RLF: variants seen among roughly 807,000 people sequenced by gnomAD.
RLF encodes the protein RLF zinc finger, also known as zinc finger protein Rlf.
A neutral mutation model predicts 162.9 loss-of-function variants in RLF; 7 were observed. The observed-to-expected ratio is 0.04, with a 90% CI of 0.02 to 0.08. The LOEUF is 0.08. Ranked by LOEUF, RLF falls within the 10% of genes least tolerant of loss-of-function variation. RLF has a pLI of 1.00. For missense variants in RLF, 1,664 were observed against 2,244.7 expected (o/e 0.74, Z 5.23); for synonymous variants, 782 against 791.5 (o/e 0.99, Z 0.20).
chr1:40,198,297 G>A (rs1247826792), intron 4 of RLF, among the ~76,000 whole-genome samples: 2 of 117,090 alleles, frequency 1.7e-5, no homozygotes, highest in Admixed American at 9.7e-5. Context: ...ACCGCGCCCG[G>A]CCTCTTTTTT....
intron 1 of RLF, among the ~76,000 whole-genome samples, chr1:40,166,697 C>T (rs1642169904): frequency 1.3e-5 from 2 of 151,938 alleles, no homozygotes; most frequent in East Asian, 1.9e-4. Flanking sequence ...AGTTCATGTC[C>T]TTTGTAGGGA....
rs566293677 is a variant in RLF at position 40,240,647 on chromosome 1, TTTTG to T, written c.*212_*215del. 449 of 531,142 alleles carry T rather than the reference TTTTG, an allele frequency of 8.5e-4. 2 individuals are homozygous for T. The highest frequency in any genetic ancestry group is 1.5e-3 in the Admixed American group (41 of 28,010). 32.9% of individuals were successfully genotyped at this position (531,142 alleles called of 1,614,324 possible). A position where few individuals can be genotyped will look rare whatever the true frequency, so the allele number is the denominator to read the frequency against. On this transcript the variant is annotated 3_prime_UTR_variant, in exon 8 of 8. Transcript: ENST00000372771. ...CAGTTGGTTTAATGATTGGGTTTAT[TTTTG>T]TTTGTTTGTTTATTAAAAAAATGGA...
chr1:40,188,042 C>A (rs1642505507), intron 1 of RLF, among the ~76,000 whole-genome samples: 1 of 152,146 alleles, frequency 6.6e-6, no homozygotes, highest in South Asian at 2.1e-4. Context: ...AATGTGTATT[C>A]CAGGGAGAAG....
At chr1:40,184,372 A>G (rs1300585900) in intron 1 of RLF, among the ~76,000 whole-genome samples, 1 of 152,234 alleles carries the variant, frequency 6.6e-6, no homozygotes, top group East Asian at 1.9e-4. Context: ...GGCCTGGTTT[A>G]GGTGAATGGC....
Position 40,239,947 on chromosome 1 carries a change from A to G in RLF, c.5245A>G (p.Asn1749Asp). The change falls in exon 8 of 8, where the codon AAT (asparagine) becomes GAT (aspartate). Residue 1749 changes from asparagine (N) to aspartate (D), a missense_variant. Around this residue, in one of 15 missense-constraint regions of RLF, gnomAD observed 327 missense variants for 342.7 expected, o/e 0.95. Coordinates refer to ENST00000372771, the MANE Select transcript of RLF (RefSeq NM_012421.4). Reference protein sequence around the residue: ...VKNPTHVPKENFRKHSQPRSF... With the variant: ...VKNPTHVPKEDFRKHSQPRSF... Reference sequence around the variant, plus strand: ...AAATCCAACCCATGTCCCAAAAGAGAATTTTAGGAAACATTCACAGCCCCG... The same window carrying G: ...AAATCCAACCCATGTCCCAAAAGAGGATTTTAGGAAACATTCACAGCCCCG... 1.2e-6 allele frequency: 2 copies of G among 1,613,688 alleles called. No homozygotes were observed. The highest frequency in any genetic ancestry group is 1.1e-5 in the South Asian group (1 of 91,084).
At chr1:40,169,516 T>A (rs1276233181) in intron 1 of RLF, among the ~76,000 whole-genome samples, 4 of 144,586 alleles carry the variant, frequency 2.8e-5, no homozygotes, top group Non-Finnish European at 6.0e-5. Flanking sequence ...CTCGGGAGGC[T>A]GAGGCAGGAG....
At chr1:40,229,065 AT>A (rs1415731462) in intron 6 of RLF, among the ~76,000 whole-genome samples, 1 of 152,156 alleles carries the variant, frequency 6.6e-6, no homozygotes, top group East Asian at 1.9e-4. Context: ...GGTTATAGGG[AT>A]GAACCACCAT....
intron 5 of RLF, among the ~76,000 whole-genome samples, chr1:40,214,947 T>TAAAAAAAAAA (rs1642906912): frequency 3.2e-3 from 205 of 64,930 alleles, no homozygotes; most frequent in Non-Finnish European, 4.1e-3. Flanking sequence ...AAAAAAAAAC[T>TAAAAAAAAAA]AAAGTATGAG....
intron 1 of RLF, among the ~76,000 whole-genome samples, chr1:40,165,799 G>GA (rs1452462900): frequency 6.6e-6 from 1 of 151,918 alleles, no homozygotes; most frequent in Non-Finnish European, 1.5e-5. Context: ...CTCCGCCAAA[G>GA]GAAAGATAAA....
intron 5 of RLF, among the ~76,000 whole-genome samples, chr1:40,207,791 A>G (rs1642815734): frequency 6.6e-6 from 1 of 152,020 alleles, no homozygotes; most frequent in South Asian, 2.1e-4. Context: ...TTGTATTTTT[A>G]GTAGAGACAG....
At chr1:40,173,601 CT>C (rs1642277258) in intron 1 of RLF, among the ~76,000 whole-genome samples, 1 of 151,472 alleles carries the variant, frequency 6.6e-6, no homozygotes, top group South Asian at 2.1e-4. Flanking sequence ...GCAACCTCTG[CT>C]TCCTGGATTC....
intron 6 of RLF, among the ~76,000 whole-genome samples, chr1:40,228,041 C>T (rs1409083407): frequency 6.6e-6 from 1 of 151,958 alleles, no homozygotes; most frequent in Non-Finnish European, 1.5e-5. Context: ...TCCCAGTACT[C>T]TGGGAGGCTG....
chr1:40,173,081 T>TTTTTTTTTG (rs1642268731), intron 1 of RLF, among the ~76,000 whole-genome samples: 1 of 149,526 alleles, frequency 6.7e-6, no homozygotes, highest in African/African-American at 2.5e-5. Flanking sequence ...AGGTTTTTTT[T>TTTTTTTTTG]TTTTTTTTTT....
intron 6 of RLF, among the ~76,000 whole-genome samples, chr1:40,229,822 A>G (rs115744386): frequency 0.052 from 7,906 of 152,090 alleles, 602 homozygotes; most frequent in African/African-American, 0.17. Context: ...CTACTTAAAA[A>G]TTTCACCTTA....
At chr1:40,195,368 G>A (rs544521494) in intron 3 of RLF, among the ~76,000 whole-genome samples, 1 of 151,592 alleles carries the variant, frequency 6.6e-6, no homozygotes, top group African/African-American at 2.4e-5. Context: ...ATAATTGCTT[G>A]AACCCAGGGG....
At chr1:40,188,414 G>A (rs1642514129) in intron 1 of RLF, among the ~76,000 whole-genome samples, 1 of 152,204 alleles carries the variant, frequency 6.6e-6, no homozygotes, top group South Asian at 2.1e-4. Flanking sequence ...TGTGTGGTAA[G>A]AGGACTATTC....
intron 1 of RLF, among the ~76,000 whole-genome samples, chr1:40,173,514 ATT>A (rs34760861): frequency 5.9e-4 from 84 of 142,566 alleles, no homozygotes; most frequent in African/African-American, 1.1e-3. Flanking sequence ...TGATCATGTA[ATT>A]TTTTTTTTTT....
intron 1 of RLF, among the ~76,000 whole-genome samples, chr1:40,185,108 G>A (rs995570874): frequency 1.2e-4 from 18 of 151,980 alleles, no homozygotes; most frequent in Admixed American, 6.6e-4. Context: ...TGGGCATGGT[G>A]ATGCACTTCT....
At chr1:40,187,276 C>T (rs773728304) in intron 1 of RLF, among the ~76,000 whole-genome samples, 28 of 152,056 alleles carry the variant, frequency 1.8e-4, no homozygotes, top group Admixed American at 1.2e-3. Context: ...GTGATCCGTC[C>T]GCCTCGGCCT....
Sources: gnomAD v4.1 joint callset for allele counts (sites outside exome capture counted in the v4.1 genomes callset) on GRCh38, gnomAD v4.1.1 for gene constraint, gnomAD v4.1.1 regional missense constraint, MANE v1.5 for transcripts, NCBI Gene and HGNC (gene_info 2026-07-23, HGNC 2026-07-21) for gene names.